USP25: variants seen among roughly 807,000 people sequenced by gnomAD.
USP25 encodes the protein ubiquitin specific peptidase 25.
A neutral mutation model predicts 158.5 loss-of-function variants in USP25; 85 were observed. The observed-to-expected ratio is 0.54, with a 90% CI of 0.45 to 0.64. The LOEUF is 0.64. Among genes scored for constraint, USP25 ranks in the 30% least tolerant of loss-of-function variants. The pLI is 0.00. For synonymous variants in USP25, 464 were observed against 460.4 expected, an observed-to-expected ratio of 1.01 and a Z score of -0.10; for missense variants, 1,242 against 1,327.3, an observed-to-expected ratio of 0.94 and a Z score of 1.00.
At chr21:15,769,977 C>CT (rs1291844731) in intron 3 of USP25, among the ~76,000 whole-genome samples, 4 of 147,922 alleles carry the variant, frequency 2.7e-5, no homozygotes, top group African/African-American at 7.4e-5. Context: ...TTTTTTTTTT[C>CT]TTTTTTTCTA....
intron 17 of USP25, among the ~76,000 whole-genome samples, chr21:15,842,028 G>T (rs2038358930): frequency 6.6e-6 from 1 of 152,162 alleles, no homozygotes. Flanking sequence ...GAGAAAAATA[G>T]CTCCTGTGCA....
chr21:15,747,828 A>G (rs190769758), intron 1 of USP25, among the ~76,000 whole-genome samples: 4 of 152,342 alleles, frequency 2.6e-5, no homozygotes, highest in African/African-American at 9.6e-5. Context: ...ACGCTTGATC[A>G]TTGGTAACTG....
In USP25 at chr21:15,876,211, G is replaced by A. The variant is rs1342068593; in HGVS notation, c.3010-1585G>A. The A allele has an allele frequency of 3.9e-5, 6 of 152,224 alleles. No individual in the cohort carries two copies. In the East Asian group the frequency reaches 1.2e-3, roughly 29 times the overall value. 9.4% of individuals were successfully genotyped at this position (152,224 alleles called of 1,614,324 possible). A position where few individuals can be genotyped will look rare whatever the true frequency, so the allele number is the denominator to read the frequency against. On this transcript the variant is annotated intron_variant, in intron 24 of 25. Coordinates refer to ENST00000400183, the MANE Select transcript of USP25 (RefSeq NM_001283041.3). ...ATTCAGTGAACTTAACATTAAACTT[G>A]TCATTAAATTTTATATATCATTTAA...
intron 1 of USP25, among the ~76,000 whole-genome samples, chr21:15,732,701 A>G (rs2031048007): frequency 6.6e-6 from 1 of 152,164 alleles, no homozygotes; most frequent in Admixed American, 6.5e-5. Context: ...ATTTAGCTAT[A>G]TTATTTTCAA....
chr21:15,833,112 T>A (rs2037893064), intron 16 of USP25, among the ~76,000 whole-genome samples: 1 of 152,164 alleles, frequency 6.6e-6, no homozygotes. Flanking sequence ...CTGAGACCAT[T>A]ACCTATGATG....
In USP25 at chr21:15,870,097, G is replaced by T; in HGVS notation, c.2835G>T (p.Arg945Ser). The change falls in exon 23 of 26, where the codon AGG becomes AGT. Residue 945 changes from arginine to serine, a missense_variant. Transcript: ENST00000400183. ...EEWHQDYRKF[R>S]ETTMYLIIGL... ...GGCATCAGGATTATAGGAAATTCAGGGAAACAACTATGTATCTCATAATTG... is the reference window on the plus strand; with the variant it reads ...GGCATCAGGATTATAGGAAATTCAGTGAAACAACTATGTATCTCATAATTG... The T allele has an allele frequency of 6.2e-7, 1 of 1,608,278 alleles. No homozygotes were observed. Among genetic ancestry groups the T allele is most frequent in the African/African-American group, 1.3e-5 (1 of 74,622 alleles).
intron 20 of USP25, among the ~76,000 whole-genome samples, chr21:15,852,871 T>G (rs1381434056): frequency 6.6e-6 from 1 of 152,204 alleles, no homozygotes; most frequent in Non-Finnish European, 1.5e-5. Flanking sequence ...AACCCCTTTA[T>G]GTAAACATAC....
chr21:15,785,023 A>G (rs2123558916), intron 4 of USP25, among the ~76,000 whole-genome samples: 1 of 152,174 alleles, frequency 6.6e-6, no homozygotes, highest in African/African-American at 2.4e-5. Context: ...ACACCTCATC[A>G]TTAAATATAA....
At chr21:15,795,537 A>C (rs1031345278) in intron 5 of USP25, among the ~76,000 whole-genome samples, 2 of 151,526 alleles carry the variant, frequency 1.3e-5, no homozygotes, top group African/African-American at 4.8e-5. Flanking sequence ...TTTGTGGTTT[A>C]AGCATGATCA....
chr21:15,757,749 T>A (rs547334413), intron 1 of USP25, among the ~76,000 whole-genome samples: 1 of 152,204 alleles, frequency 6.6e-6, no homozygotes, highest in Non-Finnish European at 1.5e-5. Context: ...GCATGCTGGC[T>A]GCTAACATGC....
At chr21:15,787,987 C>T (rs1029237589) in intron 4 of USP25, among the ~76,000 whole-genome samples, 3 of 133,604 alleles carry the variant, frequency 2.2e-5, no homozygotes, top group South Asian at 2.4e-4. Context: ...AAACATTTAG[C>T]GTAGTGTGTG....
chr21:15,741,656 C>T (rs1005589399), intron 1 of USP25, among the ~76,000 whole-genome samples: 15 of 152,104 alleles, frequency 9.9e-5, no homozygotes, highest in African/African-American at 1.7e-4. Context: ...CATTGCTTCT[C>T]ATACATTATC....
chr21:15,730,968 T>C (rs1365075298), intron 1 of USP25, among the ~76,000 whole-genome samples: 1 of 142,918 alleles, frequency 7.0e-6, no homozygotes, highest in Non-Finnish European at 1.5e-5. Flanking sequence ...TTCTTCTTCT[T>C]CTTTTCTGTT....
chr21:15,848,754 G>A (rs2038747742), intron 19 of USP25, among the ~76,000 whole-genome samples: 1 of 152,060 alleles, frequency 6.6e-6, no homozygotes, highest in South Asian at 2.1e-4. Context: ...GCCATAAAGA[G>A]AATAAGCAGA....
chr21:15,854,420 A>C, intron 20 of USP25, among the ~76,000 whole-genome samples: 1 of 152,002 alleles, frequency 6.6e-6, no homozygotes. Context: ...CTGGGATTAC[A>C]GATGTGAGCC....
rs373872651 is a variant in USP25, at chr21:15,777,169, A to T, written c.269-735A>T. Among the ~76,000 whole-genome samples the T allele has an allele frequency of 3.3e-5, 5 of 152,234 alleles. No individual in the cohort carries two copies. The East Asian group carries it at 9.6e-4, about 29-fold the overall frequency. On this transcript the variant is annotated intron_variant, in intron 3 of 25. Coordinates refer to ENST00000400183, the MANE Select transcript of USP25 (RefSeq NM_001283041.3). ...GGAAAAAGAATTAATACTTAATAGC[A>T]TCAAGGCTATTTTTTATTAGAAGAG...
chr21:15,765,874 A>T, intron 2 of USP25, 123 bp from the exon 3 acceptor site: 1 of 868,122 alleles, frequency 1.2e-6, no homozygotes. Flanking sequence ...TTAGAATCAC[A>T]TATAGATTAA....
At chr21:15,824,817 T>C (rs947302047) in intron 11 of USP25, 149 bp from the exon 12 acceptor site, 15 of 596,208 alleles carry the variant, frequency 2.5e-5, no homozygotes, top group Non-Finnish European at 2.7e-5. Context: ...GATTTCACCA[T>C]GTTGGCCAGG....
At chr21:15,759,624 G>A (rs1440195050) in intron 1 of USP25, among the ~76,000 whole-genome samples, 1 of 152,174 alleles carries the variant, frequency 6.6e-6, no homozygotes, top group Non-Finnish European at 1.5e-5. Flanking sequence ...ATAAGGAGTT[G>A]TGGAGACCTA....
Sources: gnomAD v4.1 joint callset for allele counts (sites outside exome capture counted in the v4.1 genomes callset) on GRCh38, gnomAD v4.1.1 for gene constraint, MANE v1.5 for transcripts, NCBI Gene and HGNC (gene_info 2026-07-23, HGNC 2026-07-21) for gene names.